MCF2L: variants seen among roughly 807,000 people sequenced by gnomAD.
MCF2L encodes the protein MCF.2 cell line derived transforming sequence like.
In MCF2L, 97 loss-of-function variants were observed where a neutral mutation model predicts 153.4. The observed-to-expected ratio is 0.63, with a 90% confidence interval of 0.54 to 0.75. MCF2L has a LOEUF of 0.75. Among genes scored for constraint, MCF2L ranks in the 30% least tolerant of loss-of-function variants. MCF2L has a pLI of 0.00. For synonymous variants in MCF2L, 659 were observed against 632.2 expected (o/e 1.04, Z -0.64); for missense variants, 1,347 against 1,495.2 (o/e 0.90, Z 1.64).
chr13:112,918,148 G>A (rs773572913), intron 2 of MCF2L, among the ~76,000 whole-genome samples: 6 of 152,194 alleles, frequency 3.9e-5, no homozygotes, highest in Admixed American at 1.3e-4. Flanking sequence ...CCTAGCAATC[G>A]CAAATTAAGG....
intron 3 of MCF2L, among the ~76,000 whole-genome samples, chr13:113,039,255 G>T (rs2086338874): frequency 6.6e-6 from 1 of 152,104 alleles, no homozygotes; most frequent in Non-Finnish European, 1.5e-5. Flanking sequence ...CTGTCTGTGT[G>T]GGAAATTATG....
In MCF2L at chr13:113,098,356, G is replaced by A. The variant is rs1394483071; in HGVS notation, c.*1497G>A. ...TGCTGTGTCCCGCGATGTCCCTGATGTACTGTGCAGGCGCGGTGCCTCCGT... is the reference window on the plus strand; with the variant it reads ...TGCTGTGTCCCGCGATGTCCCTGATATACTGTGCAGGCGCGGTGCCTCCGT... On this transcript the variant is annotated 3_prime_UTR_variant, in exon 30 of 30. Transcript: ENST00000535094. The A allele has an allele frequency of 6.6e-6, 1 of 152,612 alleles. No homozygotes were observed. The highest frequency in any genetic ancestry group is 1.5e-5 in the Non-Finnish European group (1 of 68,052). 9.5% of individuals were successfully genotyped at this position (152,612 alleles called of 1,614,324 possible). A position where few individuals can be genotyped will look rare whatever the true frequency, so the allele number is the denominator to read the frequency against.
rs2086127362 is a variant in MCF2L, at chr13:113,035,937, A to C, written c.279-9334A>C. Among the ~76,000 whole-genome samples the C allele has an allele frequency of 6.6e-6, 1 of 152,152 alleles. No individual in the cohort carries two copies. The highest frequency in any genetic ancestry group is 1.5e-5 in the Non-Finnish European group (1 of 68,020). On this transcript the variant is annotated intron_variant, in intron 3 of 29. Transcript: ENST00000535094. The surrounding 1 kb of genome is among the most constrained non-coding windows in gnomAD (Gnocchi z 4.4). ...TCCTCTCTGGTACAGCAGGGGCCTAAGGGATGTTTGACCTCAGCAGGTAGA... is the reference window on the plus strand; with the variant it reads ...TCCTCTCTGGTACAGCAGGGGCCTACGGGATGTTTGACCTCAGCAGGTAGA...
In MCF2L at chr13:112,980,722, T is replaced by G. The variant is rs1488645157; in HGVS notation, c.79+11264T>G. Among the ~76,000 whole-genome samples, 9 of 141,042 alleles carry G rather than the reference T, an allele frequency of 6.4e-5. No homozygotes were observed. The Admixed American group carries it at 6.5e-4, about 10-fold the overall frequency. The allele number at this position is 141,042 out of a possible 152,430, so 92.5% of individuals were successfully genotyped here. On this transcript the variant is annotated intron_variant, in intron 1 of 29. Coordinates refer to ENST00000535094, the MANE Select transcript of MCF2L (RefSeq NM_001112732.3). ...GGAGGGCTGTGTCACTCACTGCCGG[T>G]CAGCTGAGCGTGCACCGTGTGGGTG... is the stretch of plus-strand genomic sequence containing the variant.
chr13:113,091,211 C>T (rs926861665), intron 26 of MCF2L: 18 of 1,302,976 alleles, frequency 1.4e-5, no homozygotes, highest in Admixed American at 9.2e-5. Context: ...GTGGCACCCT[C>T]GGGCACGGCA....
chr13:113,052,138 G>A (rs1197179742), intron 4 of MCF2L, among the ~76,000 whole-genome samples: 5 of 152,220 alleles, frequency 3.3e-5, no homozygotes, highest in Admixed American at 1.3e-4. Context: ...ATTCCACTGA[G>A]GATACCTATA....
At chr13:112,906,287 C>T (rs2081172257) in intron 2 of MCF2L, among the ~76,000 whole-genome samples, 1 of 152,264 alleles carries the variant, frequency 6.6e-6, no homozygotes, top group Non-Finnish European at 1.5e-5. Flanking sequence ...CTCCTCAGGG[C>T]TCCTGCCTGA....
chr13:113,066,374 C>T (rs1048647491), intron 8 of MCF2L, among the ~76,000 whole-genome samples: 2 of 152,162 alleles, frequency 1.3e-5, no homozygotes, highest in Non-Finnish European at 2.9e-5. Context: ...GCTTTTCTCT[C>T]GAACCCCACA....
chr13:112,979,591 G>C, intron 1 of MCF2L: 2 of 1,597,856 alleles, frequency 1.3e-6, no homozygotes, highest in Non-Finnish European at 1.7e-6. Context: ...TCTAGCATCA[G>C]GGGGTCGCCT....
intron 2 of MCF2L, among the ~76,000 whole-genome samples, chr13:112,949,182 TACCACAACTC>T (rs746972531): frequency 6.6e-6 from 1 of 152,244 alleles, no homozygotes; most frequent in Non-Finnish European, 1.5e-5. Flanking sequence ...AAGCACAAAC[TACCACAACTC>T]ACCCAACAGG....
Position 112,960,437 on chromosome 13 carries a change from T to G in MCF2L, c.170-54326T>G, listed in dbSNP as rs777852515. Among the ~76,000 whole-genome samples, 5 of 152,166 alleles carry G rather than the reference T, an allele frequency of 3.3e-5. No homozygotes were observed. Among genetic ancestry groups the G allele is most frequent in the Admixed American group, 6.5e-5 (1 of 15,282 alleles). ...CACACACGACCTTTGGGGGACACAT[T>G]AAACCCCAGCAGACTGCCTTGTCCC... On this transcript the variant is annotated intron_variant, in intron 2 of 29. Transcript: ENST00000375608. The surrounding 1 kb of genome is among the most constrained non-coding windows in gnomAD (Gnocchi z 4.2).
intron 2 of MCF2L, among the ~76,000 whole-genome samples, chr13:112,905,959 C>T (rs2081168620): frequency 6.6e-6 from 1 of 152,132 alleles, no homozygotes. Flanking sequence ...AAGGTGATTC[C>T]CCCTGGTTCT....
intron 12 of MCF2L, among the ~76,000 whole-genome samples, chr13:113,076,846 C>T (rs1033449208): frequency 1.3e-5 from 2 of 152,226 alleles, no homozygotes; most frequent in East Asian, 1.9e-4. Context: ...TTCCCGAGGC[C>T]GGGGCCCCGT....
chr13:113,033,255 T>TGAGTGGCCCCCGTGATGTG (rs2085873485), intron 3 of MCF2L, among the ~76,000 whole-genome samples: 1 of 7,690 alleles, frequency 1.3e-4, no homozygotes, highest in African/African-American at 5.0e-4. Context: ...CCCGTGACAT[T>TGAGTGGCCCCCGTGATGTG]AGTGGACCCC....
rs1446334759 is a variant in MCF2L at position 113,087,237 on chromosome 13, G to T, written c.2376G>T (p.Gly792=). The T allele has an allele frequency of 1.2e-6, 2 of 1,610,844 alleles. No homozygotes were observed. The highest frequency in any genetic ancestry group is 1.7e-5 in the Admixed American group (1 of 60,002). Residue 792 remains glycine, a splice_region_variant and synonymous_variant, in exon 22 of 30, where the codon GGG becomes GGT. Transcript: ENST00000535094. ...MHLIAITGYD[G]NLGDLGKLLM... ...CAGCCCTGCTGTCGCACATTTAGGG[G>T]AATCTCGGCGACCTGGGCAAGCTGC...
chr13:112,987,057 G>A (rs896908479), intron 1 of MCF2L, among the ~76,000 whole-genome samples: 3 of 152,184 alleles, frequency 2.0e-5, no homozygotes, highest in Admixed American at 6.5e-5. Context: ...CTGGGCTGCC[G>A]CATTTCCATC....
chr13:113,014,270 C>A (rs975855380), intron 1 of MCF2L, among the ~76,000 whole-genome samples: 4 of 152,202 alleles, frequency 2.6e-5, no homozygotes, highest in African/African-American at 9.6e-5. Flanking sequence ...GTGGCACAGA[C>A]CCCCGAGGGT....
In MCF2L at chr13:113,063,911, C is replaced by T. The variant is rs533168663; in HGVS notation, c.490-393C>T. ...GTGATTTCTGTGAAACCCATTTTGA[C>T]GGCTTGCTGTGGAGCCGTTGTGCAG... is the stretch of plus-strand genomic sequence containing the variant. On this transcript the variant is annotated intron_variant, in intron 5 of 29. Transcript: ENST00000535094. 1.6e-3 allele frequency: 738 copies of T among 448,010 alleles called. 5 individuals carry two copies. Among genetic ancestry groups the T allele is most frequent in the African/African-American group, 0.013 (676 of 50,278 alleles). The allele number at this position is 448,010 out of a possible 1,614,324, so 27.8% of individuals were successfully genotyped here.
chr13:113,061,285 C>T (rs1361212874), intron 5 of MCF2L, among the ~76,000 whole-genome samples: 1 of 152,314 alleles, frequency 6.6e-6, no homozygotes, highest in South Asian at 2.1e-4. Context: ...AAAGCACCTT[C>T]AGTCCTGATC....
Sources: allele counts gnomAD v4.1 joint callset (sites outside exome capture counted in the v4.1 genomes callset), GRCh38; gene constraint gnomAD v4.1.1; non-coding constraint Gnocchi (gnomAD v3.1); transcripts MANE v1.5; gene names NCBI Gene and HGNC (gene_info 2026-07-23, HGNC 2026-07-21).